LIN54: variants seen among roughly 807,000 people sequenced by gnomAD.
The protein encoded by LIN54 is lin-54 DREAM MuvB core complex component.
A neutral mutation model predicts 78.7 loss-of-function variants in LIN54; 9 were observed. The ratio of observed to expected loss-of-function variants is 0.11; its 90% confidence interval spans 0.07 to 0.20. The LOEUF (loss-of-function observed/expected upper bound fraction) is 0.20, where lower values mean the gene tolerates loss of function less well. Among genes scored for constraint, LIN54 ranks in the 10% least tolerant of loss-of-function variants. The pLI is 1.00. For missense variants in LIN54, 573 were observed against 889.9 expected (o/e 0.64, Z 4.53); for synonymous variants, 269 against 318.4 (o/e 0.84, Z 1.65).
At chr4:82,943,970 G>C (rs1256008758) in intron 5 of LIN54, among the ~76,000 whole-genome samples, 4 of 149,948 alleles carry the variant, frequency 2.7e-5, no homozygotes, top group Non-Finnish European at 5.9e-5. Context: ...CCGGGTTCAA[G>C]TGATTCTCCT....
chr4:82,940,355 T>C (rs1473405105), intron 5 of LIN54, among the ~76,000 whole-genome samples: 1 of 152,190 alleles, frequency 6.6e-6, no homozygotes, highest in Non-Finnish European at 1.5e-5. Flanking sequence ...TTCTCATTGC[T>C]CTTTCTATTC....
At chr4:83,010,890 G>C (rs1729818953), upstream of LIN54, 3 of 1,057,554 alleles carry the variant, frequency 2.8e-6, no homozygotes, top group Non-Finnish European at 2.3e-6. Context: ...CCACATATCC[G>C]GGGAAGCCTC....
At chr4:82,935,924 T>A in intron 11 of LIN54, 57 bp downstream of exon 11, 1 of 1,531,654 alleles carries the variant, frequency 6.5e-7, no homozygotes, top group Non-Finnish European at 9.0e-7. Context: ...ATTTTTGTAG[T>A]AGGTCCTTTC....
At chr4:82,970,055 C>T (rs1237976931) in intron 4 of LIN54, among the ~76,000 whole-genome samples, 1 of 152,124 alleles carries the variant, frequency 6.6e-6, no homozygotes, top group Non-Finnish European at 1.5e-5. Flanking sequence ...TAAACACCTA[C>T]ATTATTGAAT....
chr4:82,936,049 G>T lies in LIN54; in HGVS notation c.1777C>A (p.Arg593=). ...CAATTACACCCTTTGCTATGACGTC[G>T]ATCAGATTCTCCCTCCTTTCCTTTC... is the stretch of plus-strand genomic sequence containing the variant. ...IGKGKEGESD[R]RHSKGCNCKR... is the part of the protein sequence containing the mutation. Residue 593 remains arginine, a synonymous_variant, in exon 11 of 13, where the codon CGA becomes AGA. Coordinates refer to ENST00000340417, the MANE Select transcript of LIN54 (RefSeq NM_194282.4). 1 of 1,613,718 alleles carries T rather than the reference G, an allele frequency of 6.2e-7. No homozygotes were observed.
At chr4:82,979,046 T>G in intron 2 of LIN54, 40 bp from the exon 3 acceptor site, 1 of 1,476,718 alleles carries the variant, frequency 6.8e-7, no homozygotes, top group Non-Finnish European at 9.2e-7. Context: ...TCTGTTTCTA[T>G]AAAATGCCTA....
At chr4:82,947,207 TTATATATATATA>T (rs1207992875) in intron 4 of LIN54, among the ~76,000 whole-genome samples, 2 of 76,210 alleles carry the variant, frequency 2.6e-5, no homozygotes, top group African/African-American at 1.1e-4. Context: ...AAAAAAAAAT[TTATATATATATA>T]TATATATATA....
chr4:83,001,989 T>G (rs1728884420), intron 1 of LIN54, among the ~76,000 whole-genome samples: 1 of 130,324 alleles, frequency 7.7e-6, no homozygotes, highest in Non-Finnish European at 1.6e-5. Context: ...GGAGGGATCT[T>G]GGAGAAATTC....
chr4:82,994,398 AAG>A (rs1728011113), intron 1 of LIN54, among the ~76,000 whole-genome samples: 1 of 148,356 alleles, frequency 6.7e-6, no homozygotes. Context: ...TGCATTTTAA[AAG>A]AATTTTTTTT....
At chr4:82,944,015 T>A (rs533590340) in intron 5 of LIN54, among the ~76,000 whole-genome samples, 1 of 151,966 alleles carries the variant, frequency 6.6e-6, no homozygotes, top group South Asian at 2.1e-4. Context: ...ATTACAGGTG[T>A]GCACCACCAC....
chr4:82,984,916 C>A, intron 1 of LIN54, 40 bp from the exon 2 acceptor site: 17 of 1,372,204 alleles, frequency 1.2e-5, no homozygotes, highest in South Asian at 7.4e-5. Context: ...TACTAGGTTT[C>A]AAAAGATGTA....
chr4:82,975,036 T>G (rs979384422), intron 3 of LIN54, among the ~76,000 whole-genome samples: 1 of 152,074 alleles, frequency 6.6e-6, no homozygotes, highest in Non-Finnish European at 1.5e-5. Context: ...GTGAATGTAC[T>G]TAATGCCAAT....
chr4:82,938,220 T>G (rs1000929745), intron 8 of LIN54, among the ~76,000 whole-genome samples, 193 bp downstream of exon 8: 1 of 152,192 alleles, frequency 6.6e-6, no homozygotes, highest in African/African-American at 2.4e-5. Flanking sequence ...AATTGGTGAA[T>G]CTGAATAGAG....
At chr4:83,007,292 A>G (rs564357793) in intron 1 of LIN54, among the ~76,000 whole-genome samples, 6 of 152,212 alleles carry the variant, frequency 3.9e-5, no homozygotes, top group Non-Finnish European at 8.8e-5. Context: ...AATGAGAATA[A>G]ACCAGCCTAT....
At chr4:82,948,722 T>G (rs1206997352) in intron 4 of LIN54, among the ~76,000 whole-genome samples, 1 of 136,820 alleles carries the variant, frequency 7.3e-6, no homozygotes, top group Non-Finnish European at 1.6e-5. Context: ...GTAACCAGTT[T>G]TATCTTCTAT....
chr4:82,977,588 A>G (rs950602010), intron 3 of LIN54, among the ~76,000 whole-genome samples: 3 of 152,218 alleles, frequency 2.0e-5, no homozygotes, highest in Non-Finnish European at 4.4e-5. Flanking sequence ...GCCTCAGGAA[A>G]ATGACAAGTC....
At chr4:82,968,203 C>T (rs189543727) in intron 4 of LIN54, among the ~76,000 whole-genome samples, 117 of 152,106 alleles carry the variant, frequency 7.7e-4, no homozygotes, top group African/African-American at 2.6e-3. Context: ...CCACCAAGCC[C>T]AGCTAATTTT....
intron 11 of LIN54, among the ~76,000 whole-genome samples, chr4:82,934,502 T>C (rs1722228476): frequency 6.6e-6 from 1 of 152,268 alleles, no homozygotes; most frequent in Admixed American, 6.5e-5. Flanking sequence ...GTTACTCTCC[T>C]ATTCCCTATT....
In LIN54 at chr4:82,927,758, C is replaced by G. The variant is rs1036932567; in HGVS notation, c.*344G>C. The G allele has an allele frequency of 1.6e-5, 3 of 190,462 alleles. No individual in the cohort carries two copies. Among genetic ancestry groups the G allele is most frequent in the African/African-American group, 4.7e-5 (2 of 42,402 alleles). 11.8% of individuals were successfully genotyped at this position (190,462 alleles called of 1,614,324 possible). A position where few individuals can be genotyped will look rare whatever the true frequency, so the allele number is the denominator to read the frequency against. On this transcript the variant is annotated 3_prime_UTR_variant, in exon 13 of 13. Transcript: ENST00000340417. ...ACTGCTGCTTTGGCTTTTCTATTAA[C>G]AAAGTCATACAACACCATACATTAT...
Sources: allele counts gnomAD v4.1 joint callset (sites outside exome capture counted in the v4.1 genomes callset), GRCh38; gene constraint gnomAD v4.1.1; transcripts MANE v1.5; gene names NCBI Gene and HGNC (gene_info 2026-07-23, HGNC 2026-07-21).